DLGAP2: variants seen among roughly 807,000 people sequenced by gnomAD.
The protein encoded by DLGAP2 is DLG associated protein 2.
Under a neutral mutation model 100.3 loss-of-function variants are expected in DLGAP2, and 26 were observed. The observed-to-expected ratio is 0.26, with a 90% confidence interval of 0.19 to 0.36. DLGAP2 has a LOEUF of 0.36. Ranked by LOEUF, DLGAP2 falls within the 10% of genes least tolerant of loss-of-function variation. DLGAP2 has a pLI of 1.00. For missense variants in DLGAP2, 1,858 were observed against 1,453.2 expected, an observed-to-expected ratio of 1.28 and a Z score of -4.53; for synonymous variants, 886 against 630.1, an observed-to-expected ratio of 1.41 and a Z score of -6.08.
At chr8:1,561,747 G>A (rs146127773) in intron 5 of DLGAP2, among the ~76,000 whole-genome samples, 1,524 of 128,628 alleles carry the variant, frequency 0.012, 71 homozygotes, top group African/African-American at 0.047. Context: ...CTGGGGGACT[G>A]TGTGGTGTTG....
intron 2 of DLGAP2, among the ~76,000 whole-genome samples, chr8:959,869 T>C (rs1321489817): frequency 6.6e-6 from 1 of 152,190 alleles, no homozygotes. Flanking sequence ...AAAATGAGTT[T>C]TATTTAACTT....
At chr8:1,048,758 G>A (rs951351890) in intron 2 of DLGAP2, among the ~76,000 whole-genome samples, 7 of 151,950 alleles carry the variant, frequency 4.6e-5, no homozygotes, top group Non-Finnish European at 7.4e-5. Context: ...CACATCTGCC[G>A]CCGAAGCTGC....
At chr8:1,650,053 C>A (rs980343681) in intron 8 of DLGAP2, among the ~76,000 whole-genome samples, 8 of 152,214 alleles carry the variant, frequency 5.3e-5, no homozygotes, top group African/African-American at 1.9e-4. Context: ...GGGCAGGTTA[C>A]ATTTCCAAGT....
chr8:836,671 C>T (rs933921345), intron 1 of DLGAP2, among the ~76,000 whole-genome samples: 1 of 152,198 alleles, frequency 6.6e-6, no homozygotes, highest in African/African-American at 2.4e-5. Flanking sequence ...CCTACAGGCG[C>T]TGCCCTTTGA....
At chr8:1,294,293 T>C (rs1800122864) in intron 3 of DLGAP2, among the ~76,000 whole-genome samples, 1 of 152,214 alleles carries the variant, frequency 6.6e-6, no homozygotes, top group Admixed American at 6.5e-5. Context: ...AAACATTGTC[T>C]TATTAAGGGA....
chr8:999,278 TC>T (rs768451652), intron 2 of DLGAP2, among the ~76,000 whole-genome samples: 14 of 151,872 alleles, frequency 9.2e-5, no homozygotes, highest in Admixed American at 5.9e-4. Flanking sequence ...CTGCTGCTTC[TC>T]TGGCTGTGCC....
chr8:1,699,992 A>C (rs1799521960), intron 14 of DLGAP2, among the ~76,000 whole-genome samples: 1 of 152,248 alleles, frequency 6.6e-6, no homozygotes, highest in Non-Finnish European at 1.5e-5. Context: ...TACTTGTTAA[A>C]GTAGCTGAAG....
At chr8:1,013,671 GTGTGAGACCAGGACAGACGA>G (rs1425669897) in intron 2 of DLGAP2, among the ~76,000 whole-genome samples, 16 of 116,240 alleles carry the variant, frequency 1.4e-4, no homozygotes, top group African/African-American at 4.4e-4. Context: ...CGCCTCCACT[GTGTGAGACCAGGACAGACGA>G]TGCCTCCATT....
chr8:1,651,151 C>A (rs545401465), intron 8 of DLGAP2, among the ~76,000 whole-genome samples: 8 of 152,322 alleles, frequency 5.3e-5, no homozygotes, highest in African/African-American at 1.9e-4. Flanking sequence ...CAATTCTTTG[C>A]AAACACTCAG....
In DLGAP2 at chr8:1,678,430, C is replaced by G. The variant is rs775522610; in HGVS notation, c.2505C>G (p.Thr835=). 16 of 1,613,616 alleles carry G rather than the reference C, an allele frequency of 9.9e-6. No homozygotes were observed. In the South Asian group the frequency reaches 1.6e-4, roughly 17 times the overall value. Reference sequence around the variant, plus strand: ...TCAGCTATAGAGAAGACTATCGGACCCAAGTGGACACCTCCACCCTGCCCC... The same window carrying G: ...TCAGCTATAGAGAAGACTATCGGACGCAAGTGGACACCTCCACCCTGCCCC... ...GLFSYREDYR[T]QVDTSTLPPP... The change falls in exon 12 of 15, where the codon ACC becomes ACG. Residue 835 remains threonine (T), a synonymous_variant. Coordinates refer to ENST00000637795, the MANE Select transcript of DLGAP2 (RefSeq NM_001346810.2).
intron 2 of DLGAP2, among the ~76,000 whole-genome samples, chr8:1,078,058 G>C (rs1423650771): frequency 6.6e-6 from 1 of 152,112 alleles, no homozygotes; most frequent in Non-Finnish European, 1.5e-5. Flanking sequence ...ATCCCACCGG[G>C]ACCCGGTGAG....
At chr8:1,064,608 G>T (rs1563172352) in intron 2 of DLGAP2, among the ~76,000 whole-genome samples, 1 of 152,146 alleles carries the variant, frequency 6.6e-6, no homozygotes, top group Non-Finnish European at 1.5e-5. Context: ...TTAATTTGAT[G>T]GCTTTCTTTT....
At chr8:1,634,868 T>A (rs1442763922) in intron 8 of DLGAP2, among the ~76,000 whole-genome samples, 1 of 152,164 alleles carries the variant, frequency 6.6e-6, no homozygotes, top group Non-Finnish European at 1.5e-5. Context: ...ATATATACAA[T>A]GTTTACCATG....
chr8:785,607 C>G (rs1309535911), intron 1 of DLGAP2, among the ~76,000 whole-genome samples: 1 of 117,464 alleles, frequency 8.5e-6, no homozygotes, highest in African/African-American at 3.3e-5. Context: ...CCCTCCTCCC[C>G]TCAGACCCCT....
At position 790,102 on chromosome 8, in the gene DLGAP2, A is replaced by G. The variant is rs183500588; in HGVS notation, c.18+52277A>G. 2.0e-4 allele frequency among the ~76,000 whole-genome samples: 30 copies of G among 152,322 alleles called. No individual in the cohort carries two copies. The East Asian group carries it at 5.6e-3, about 28-fold the overall frequency. ...CCCCAGAGCCAGAGCCAGTGGAGAA[A>G]GTAAGAATTTGAGGAGAAAAGGTCA... On this transcript the variant is annotated intron_variant, in intron 1 of 14. Coordinates refer to ENST00000637795, the MANE Select transcript of DLGAP2 (RefSeq NM_001346810.2).
At position 1,004,962 on chromosome 8, in the gene DLGAP2, C is replaced by G. The variant is rs540130082; in HGVS notation, c.73+96996C>G. The stretch of plus-strand genomic sequence containing the variant: ...GGCTGCGTGGCAGCAGGGATGGTCA[C>G]AGGCACACACAGGGCCCTGGCTTTT... On this transcript the variant is annotated intron_variant, in intron 2 of 14. Transcript: ENST00000637795. Among the ~76,000 whole-genome samples, 10 of 152,330 alleles carry G rather than the reference C, an allele frequency of 6.6e-5. No individual in the cohort carries two copies. In the South Asian group the frequency reaches 2.1e-3, roughly 32 times the overall value.
chr8:1,087,174 T>G (rs151308197), intron 2 of DLGAP2, among the ~76,000 whole-genome samples: 1 of 152,278 alleles, frequency 6.6e-6, no homozygotes, highest in East Asian at 1.9e-4. Context: ...TATCTTGAGA[T>G]AAACAAAAAT....
chr8:1,355,293 G>A (rs1801822393), intron 3 of DLGAP2, among the ~76,000 whole-genome samples: 1 of 150,550 alleles, frequency 6.6e-6, no homozygotes, highest in Non-Finnish European at 1.5e-5. Flanking sequence ...GCAGTAACAG[G>A]GGTTGTCTCT....
chr8:1,514,984 G>T (rs1000325560), intron 4 of DLGAP2, among the ~76,000 whole-genome samples: 3 of 152,054 alleles, frequency 2.0e-5, no homozygotes, highest in Admixed American at 6.5e-5. Flanking sequence ...CCAACGTGTA[G>T]AGAGACTGAC....
Sources: allele counts gnomAD v4.1 joint callset (sites outside exome capture counted in the v4.1 genomes callset), GRCh38; gene constraint gnomAD v4.1.1; transcripts MANE v1.5; gene names NCBI Gene and HGNC (gene_info 2026-07-23, HGNC 2026-07-21).